FYB2: variants seen among roughly 807,000 people sequenced by gnomAD.
FYB2 encodes the protein FYN binding protein 2, also known as FYN-binding protein 2.
FYB2 carries 103 observed loss-of-function variants against 94.1 expected under a neutral mutation model. The ratio of observed to expected loss-of-function variants is 1.09; its 90% CI spans 0.93 to 1.29. The LOEUF is 1.29. Ranked by LOEUF, FYB2 falls within the 50% of genes most tolerant of loss-of-function variation. FYB2 has a pLI of 0.00. For missense variants in FYB2, 896 were observed against 841.5 expected (o/e 1.06, Z -0.80); for synonymous variants, 293 against 287.9 (o/e 1.02, Z -0.18).
At chr1:56,807,195 A>T (rs1646666904) in intron 1 of FYB2, among the ~76,000 whole-genome samples, 1 of 152,166 alleles carries the variant, frequency 6.6e-6, no homozygotes, top group African/African-American at 2.4e-5. Flanking sequence ...TAGGTTTATG[A>T]CAGTTTTATT....
chr1:56,751,159 G>A lies in FYB2; in HGVS notation c.1272C>T (p.Asn424=), dbSNP rs185155936. 112 of 1,612,634 alleles carry A rather than the reference G, an allele frequency of 6.9e-5. No individual in the cohort carries two copies. The East Asian group carries it at 1.5e-3, about 21-fold the overall frequency. The change falls in exon 9 of 20, where the codon AAC becomes AAT. Residue 424 remains asparagine, a synonymous_variant. Transcript: ENST00000343433. The part of the protein sequence containing the change: ...EGTPEKIQMT[N]VHTGRRNMLA... The stretch of plus-strand genomic sequence containing the variant: ...ACATGTTCCTTCTACCTGTGTGGAC[G>A]TTGGTCATCTGAATTTTTTCAGGTG...
chr1:56,743,737 A>G (rs1569946252), intron 11 of FYB2, among the ~76,000 whole-genome samples: 1 of 152,162 alleles, frequency 6.6e-6, no homozygotes, highest in African/African-American at 2.4e-5. Context: ...TTTTAAGTAA[A>G]AACAGTCCTA....
chr1:56,726,562 C>T lies in FYB2; in HGVS notation c.1815G>A (p.Met605Ile), dbSNP rs1337115975. The change falls in exon 16 of 20, where the codon ATG (methionine) becomes ATA (isoleucine). Residue 605 changes from methionine (M) to isoleucine (I), a missense_variant. Transcript: ENST00000343433. ...TTGGTGTCAGAAACTTGGGCTTCCA[C>T]ATTTTCAGTTTATCTTCATCTCTGA... Reference protein sequence around the residue: ...KESKDEDKLKMWKPKFLTPKE... With the variant: ...KESKDEDKLKIWKPKFLTPKE... 1.9e-6 allele frequency: 3 copies of T among 1,611,758 alleles called. No homozygotes were observed. The highest frequency in any genetic ancestry group is 1.7e-5 in the Admixed American group (1 of 59,754).
Position 56,744,026 on chromosome 1 carries a change from C to T in FYB2, c.1543G>A (p.Glu515Lys), listed in dbSNP as rs1306804038. The T allele has an allele frequency of 1.2e-6, 2 of 1,611,918 alleles. No individual in the cohort carries two copies. The highest frequency in any genetic ancestry group is 4.5e-5 in the East Asian group (2 of 44,798). Residue 515 changes from glutamate to lysine, a missense_variant and splice_region_variant, in exon 11 of 20, where the codon GAA (glutamate) becomes AAA (lysine). Physicochemically the swap from Glu to Lys is moderately conservative, Grantham distance 56 (BLOSUM62 1). Coordinates refer to ENST00000343433, the MANE Select transcript of FYB2 (RefSeq NM_001004303.5). ...NYSSSLASSS[E>K]ENRELYEDVY... ...TTCAGAAATGTCTTCCTATACTTAC[C>T]ACTACTTGAGGCAAGTGAGCTAGAG...
At chr1:56,792,909 G>T in intron 1 of FYB2, 106 bp from the exon 2 acceptor site, 1 of 1,095,934 alleles carries the variant, frequency 9.1e-7, no homozygotes, top group Admixed American at 2.3e-5. Flanking sequence ...AGTGTGATTA[G>T]ATCTCACTGA....
Position 56,805,277 on chromosome 1 carries a change from T to C in FYB2, c.10-12474A>G, listed in dbSNP as rs533985963. Among the ~76,000 whole-genome samples, 19 of 152,374 alleles carry C rather than the reference T, an allele frequency of 1.2e-4. No individual in the cohort carries two copies. The South Asian group carries it at 3.9e-3, about 32-fold the overall frequency. ...TGTGTCTAGGCACACAGAGAGTAGATGGACGATACGTGTCCTTTTGAATTA... is the reference window on the plus strand; with the variant it reads ...TGTGTCTAGGCACACAGAGAGTAGACGGACGATACGTGTCCTTTTGAATTA... On this transcript the variant is annotated intron_variant, in intron 1 of 19. Transcript: ENST00000343433.
upstream of FYB2, among the ~76,000 whole-genome samples, chr1:56,821,944 C>G (rs1004141994): frequency 6.6e-6 from 1 of 152,136 alleles, no homozygotes; most frequent in Non-Finnish European, 1.5e-5. Flanking sequence ...TATCACTACA[C>G]CTTATGAATA....
intron 9 of FYB2, among the ~76,000 whole-genome samples, chr1:56,746,259 C>T (rs543662859): frequency 1.1e-4 from 17 of 152,066 alleles, no homozygotes; most frequent in African/African-American, 2.2e-4. Context: ...ATTTGAATTT[C>T]GAATGATTTG....
intron 1 of FYB2, among the ~76,000 whole-genome samples, chr1:56,801,838 A>ATGGTAT (rs1646528505): frequency 6.6e-6 from 1 of 152,154 alleles, no homozygotes; most frequent in Non-Finnish European, 1.5e-5. Context: ...CCCACTCCAC[A>ATGGTAT]GTTACTTGGG....
chr1:56,805,389 T>C (rs572678145), intron 1 of FYB2, among the ~76,000 whole-genome samples: 43 of 152,326 alleles, frequency 2.8e-4, no homozygotes, highest in African/African-American at 1.0e-3. Flanking sequence ...TAAAAGAAAA[T>C]GAAAGGTGCT....
chr1:56,789,962 G>A (rs1218439634), intron 2 of FYB2, among the ~76,000 whole-genome samples: 3 of 152,038 alleles, frequency 2.0e-5, no homozygotes, highest in Non-Finnish European at 4.4e-5. Flanking sequence ...GTGATATCTG[G>A]GCACCTGTGT....
rs537084677 is a variant in FYB2, at chr1:56,726,384, T to C, written c.1880+113A>G. On this transcript the variant is annotated intron_variant, in intron 16 of 19. Transcript: ENST00000343433. Reference sequence around the variant, plus strand: ...GATGTAGGTGTTGTTATTCTCATCTTGTAGATGAAACAGCTGAGAATCAAA... The same window carrying C: ...GATGTAGGTGTTGTTATTCTCATCTCGTAGATGAAACAGCTGAGAATCAAA... 33 of 891,580 alleles carry C rather than the reference T, an allele frequency of 3.7e-5. No homozygotes were observed. In the South Asian group the frequency reaches 4.8e-4, roughly 13 times the overall value. The allele number at this position is 891,580 out of a possible 1,614,324, so 55.2% of individuals were successfully genotyped here.
intron 14 of FYB2, chr1:56,737,721 T>A (rs1644860836): frequency 6.6e-6 from 1 of 152,188 alleles, no homozygotes; most frequent in African/African-American, 2.4e-5. Context: ...TAGAATTACA[T>A]GATTTTCATT....
At chr1:56,748,700 C>A (rs1645125519) in intron 9 of FYB2, among the ~76,000 whole-genome samples, 1 of 151,972 alleles carries the variant, frequency 6.6e-6, no homozygotes, top group South Asian at 2.1e-4. Context: ...ACTTTAATCA[C>A]CTTCTCAATA....
chr1:56,735,687 T>C (rs1644815504), intron 15 of FYB2, among the ~76,000 whole-genome samples: 1 of 152,054 alleles, frequency 6.6e-6, no homozygotes, highest in Non-Finnish European at 1.5e-5. Flanking sequence ...CTGATGGCTT[T>C]ATAAGGGGTT....
intron 7 of FYB2, among the ~76,000 whole-genome samples, 177 bp downstream of exon 7, chr1:56,755,719 G>A (rs1308402443): frequency 6.6e-6 from 1 of 152,042 alleles, no homozygotes; most frequent in East Asian, 1.9e-4. Context: ...ATAAGAGGGG[G>A]AGGCAAGGCA....
At chr1:56,776,467 A>G (rs993477316) in intron 4 of FYB2, among the ~76,000 whole-genome samples, 1 of 152,172 alleles carries the variant, frequency 6.6e-6, no homozygotes, top group African/African-American at 2.4e-5. Context: ...GAAGTCACAC[A>G]ACAACTAAAG....
At chr1:56,808,266 G>C (rs1646690131) in intron 1 of FYB2, among the ~76,000 whole-genome samples, 1 of 152,076 alleles carries the variant, frequency 6.6e-6, no homozygotes, top group Non-Finnish European at 1.5e-5. Flanking sequence ...AGCAGAACTA[G>C]ACCCACTGAC....
intron 11 of FYB2, 106 bp from the exon 12 acceptor site, chr1:56,742,327 C>A (rs1644974968): frequency 1.3e-6 from 1 of 779,938 alleles, no homozygotes; most frequent in Non-Finnish European, 1.9e-6. Context: ...GTACTTTGAT[C>A]TTTCTTTTGT....
Sources: allele counts gnomAD v4.1 joint callset (sites outside exome capture counted in the v4.1 genomes callset), GRCh38; gene constraint gnomAD v4.1.1; transcripts MANE v1.5; gene names NCBI Gene and HGNC (gene_info 2026-07-23, HGNC 2026-07-21).